Variants in TNFRSF11B observed in about 807,000 individuals in gnomAD.
TNFRSF11B encodes the protein tumor necrosis factor receptor superfamily member 11B.
A neutral mutation model predicts 43.4 loss-of-function variants in TNFRSF11B; 16 were observed. The ratio of observed to expected loss-of-function variants is 0.37; its 90% CI spans 0.25 to 0.56. The LOEUF (loss-of-function observed/expected upper bound fraction) is 0.56. Ranked by LOEUF, TNFRSF11B falls within the 20% of genes least tolerant of loss-of-function variation. The pLI is 0.80. For missense variants in TNFRSF11B, 444 were observed against 490.1 expected (o/e 0.91, Z 0.89); for synonymous variants, 185 against 181.8 (o/e 1.02, Z -0.14).
At chr8:118,940,817 C>A (rs1563692577) in intron 1 of TNFRSF11B, among the ~76,000 whole-genome samples, 1 of 152,136 alleles carries the variant, frequency 6.6e-6, no homozygotes, top group Admixed American at 6.5e-5. Flanking sequence ...CAATTGGCAT[C>A]ATTTTCTTGG....
intron 3 of TNFRSF11B, among the ~76,000 whole-genome samples, 193 bp from the exon 4 acceptor site, chr8:118,926,911 C>T (rs1016130084): frequency 9.2e-5 from 14 of 152,164 alleles, no homozygotes; most frequent in African/African-American, 3.1e-4. Flanking sequence ...GCTTACGTGT[C>T]TTCTAATGTT....
At position 118,923,630 on chromosome 8, in the gene TNFRSF11B, C is replaced by T. The variant is rs914244774; in HGVS notation, c.*744G>A. The T allele has an allele frequency of 6.6e-6, 1 of 152,536 alleles. No individual in the cohort carries two copies. Among genetic ancestry groups the T allele is most frequent in the African/African-American group, 2.4e-5 (1 of 41,422 alleles). The allele number at this position is 152,536 out of a possible 1,614,324, so 9.4% of individuals were successfully genotyped here. A position where few individuals can be genotyped will look rare whatever the true frequency, so the allele number is the denominator to read the frequency against. On this transcript the variant is annotated 3_prime_UTR_variant, in exon 5 of 5. Transcript: ENST00000297350. ...ACCATAAAATCTTTTAAATAAGGTA[C>T]ATTCAATTTCTCAGAGCATCTAATA... is the stretch of plus-strand genomic sequence containing the variant.
chr8:118,933,105 T>A lies in TNFRSF11B; in HGVS notation c.226A>T (p.Thr76Ser). 1 of 1,614,182 alleles carries A rather than the reference T, an allele frequency of 6.2e-7. No homozygotes were observed. The highest frequency in any genetic ancestry group is 8.5e-7 in the Non-Finnish European group (1 of 1,180,042). The change falls in exon 2 of 5, where the codon ACC becomes TCC. Residue 76 changes from threonine to serine, a missense_variant. Physicochemically the swap from Thr to Ser is moderately conservative, Grantham distance 58 (BLOSUM62 1). Coordinates refer to ENST00000297350, the MANE Select transcript of TNFRSF11B (RefSeq NM_002546.4). ...CTGCAGTATAGACACTCGTCACTGGTGTGCCAGCTGTCTGTGTAGTAGTGG... is the reference window on the plus strand; with the variant it reads ...CTGCAGTATAGACACTCGTCACTGGAGTGCCAGCTGTCTGTGTAGTAGTGG... ...PDHYYTDSWH[T>S]SDECLYCSPV...
rs1812248219 is a variant in TNFRSF11B at position 118,926,561 on chromosome 8, A to G, written c.750T>C (p.Thr250=). ...GTTTCCATAACTTCAGCAGCTGGAAAGTCTGTTCTTGTGAGCTGTGTTGCC... is the reference window on the plus strand; with the variant it reads ...GTTTCCATAACTTCAGCAGCTGGAAGGTCTGTTCTTGTGAGCTGTGTTGCC... ...IKRQHSSQEQ[T]FQLLKLWKHQ... is the part of the protein sequence containing the mutation. The change falls in exon 4 of 5, where the codon ACT becomes ACC. Residue 250 remains threonine, a synonymous_variant. Transcript: ENST00000297350. The G allele has an allele frequency of 6.2e-7, 1 of 1,614,032 alleles. No individual in the cohort carries two copies. Among genetic ancestry groups the G allele is most frequent in the East Asian group, 2.2e-5 (1 of 44,892 alleles).
intron 1 of TNFRSF11B, among the ~76,000 whole-genome samples, chr8:118,946,880 C>T (rs1812570056): frequency 6.6e-6 from 1 of 152,074 alleles, no homozygotes; most frequent in African/African-American, 2.4e-5. Flanking sequence ...TTTATCAAAC[C>T]AAAAATGAAC....
Position 118,928,852 on chromosome 8 carries a change from A to G in TNFRSF11B, c.478T>C (p.Cys160Arg). ...FSNETSSKAP[C>R]RKHTNCSVFG... is the part of the protein sequence containing the mutation. Reference sequence around the variant, plus strand: ...ACACTGCAATTTGTGTGTTTTCTACAGGGTGCTTTAGATGACGTCTCATTT... The same window carrying G: ...ACACTGCAATTTGTGTGTTTTCTACGGGGTGCTTTAGATGACGTCTCATTT... Residue 160 changes from cysteine to arginine, a missense_variant, in exon 3 of 5, where the codon TGT becomes CGT. Cys to Arg is a radical substitution (Grantham distance 180). Coordinates refer to ENST00000297350, the MANE Select transcript of TNFRSF11B (RefSeq NM_002546.4). The G allele has an allele frequency of 6.2e-7, 1 of 1,614,200 alleles. No homozygotes were observed. Among genetic ancestry groups the G allele is most frequent in the Non-Finnish European group, 8.5e-7 (1 of 1,180,038 alleles).
intron 1 of TNFRSF11B, among the ~76,000 whole-genome samples, chr8:118,936,324 C>T (rs1812405332): frequency 6.6e-6 from 1 of 152,176 alleles, no homozygotes; most frequent in Non-Finnish European, 1.5e-5. Context: ...AACTTGTTTT[C>T]AGCAAGTTCA....
chr8:118,951,846 C>T lies in TNFRSF11B; in HGVS notation c.-25G>A, dbSNP rs1486014674. On this transcript the variant is annotated 5_prime_UTR_variant, in exon 1 of 5. Transcript: ENST00000297350. ...TTGTGGTCCCCGGAAACCTCAGGGGCTTGGAGGCGGCGGCTGGGCGAGCGC... is the reference window on the plus strand; with the variant it reads ...TTGTGGTCCCCGGAAACCTCAGGGGTTTGGAGGCGGCGGCTGGGCGAGCGC... 2.5e-6 allele frequency: 4 copies of T among 1,579,200 alleles called. No individual in the cohort carries two copies. Among genetic ancestry groups the T allele is most frequent in the Middle Eastern group, 1.7e-4 (1 of 6,016 alleles).
Position 118,924,679 on chromosome 8 carries a change from T to C in TNFRSF11B, c.901A>G (p.Ser301Gly). The C allele has an allele frequency of 1.9e-6, 3 of 1,614,230 alleles. No individual in the cohort carries two copies. The highest frequency in any genetic ancestry group is 1.1e-5 in the South Asian group (1 of 91,086). ...GCTCCCACTTTCTTTCCCGGTAAGC[T>C]TTCCATCAAGCTACGAAGCTGCTCG... Reference protein sequence around the residue: ...TFEQLRSLMESLPGKKVGAED... With the variant: ...TFEQLRSLMEGLPGKKVGAED... Residue 301 changes from serine to glycine, a missense_variant, in exon 5 of 5, where the codon AGC becomes GGC. By Grantham distance (56) the Ser-to-Gly change is moderately conservative (BLOSUM62 0). Transcript: ENST00000297350.
In TNFRSF11B at chr8:118,933,043, C is replaced by A. The variant is rs1353647902; in HGVS notation, c.288G>T (p.Glu96Asp). 6.2e-7 allele frequency: 1 copy of A among 1,614,204 alleles called. No individual in the cohort carries two copies. Among genetic ancestry groups the A allele is most frequent in the Middle Eastern group, 1.6e-4 (1 of 6,062 alleles). The change falls in exon 2 of 5, where the codon GAG becomes GAT. Residue 96 changes from glutamate to aspartate, a missense_variant. Coordinates refer to ENST00000297350, the MANE Select transcript of TNFRSF11B (RefSeq NM_002546.4). ...VCKELQYVKQ[E>D]CNRTHNRVCE... Reference sequence around the variant, plus strand: ...ACACGCGGTTGTGGGTGCGATTGCACTCCTGCTTGACGTACTGCAGCTCCT... The same window carrying A: ...ACACGCGGTTGTGGGTGCGATTGCAATCCTGCTTGACGTACTGCAGCTCCT...
At chr8:118,950,293 T>C (rs1029814442) in intron 1 of TNFRSF11B, among the ~76,000 whole-genome samples, 3 of 152,216 alleles carry the variant, frequency 2.0e-5, no homozygotes, top group African/African-American at 4.8e-5. Context: ...ATTAAATCAA[T>C]TGTGGTGTGT....
chr8:118,947,129 TG>T (rs1812575483), intron 1 of TNFRSF11B, among the ~76,000 whole-genome samples: 1 of 152,198 alleles, frequency 6.6e-6, no homozygotes. Flanking sequence ...AATATATAAA[TG>T]TATTTAAAAT....
At chr8:118,946,399 C>T (rs1159137174) in intron 1 of TNFRSF11B, among the ~76,000 whole-genome samples, 1 of 152,080 alleles carries the variant, frequency 6.6e-6, no homozygotes, top group East Asian at 1.9e-4. Context: ...TAGACTTTCT[C>T]TGCTAGTTAC....
In TNFRSF11B at chr8:118,941,809, C is replaced by T. The variant is rs537790184; in HGVS notation, c.31-8509G>A. 2.6e-4 allele frequency among the ~76,000 whole-genome samples: 40 copies of T among 152,252 alleles called. No homozygotes were observed. The South Asian group carries it at 3.5e-3, about 13-fold the overall frequency. On this transcript the variant is annotated intron_variant, in intron 1 of 4. Transcript: ENST00000297350. ...CTTAAAATTTTCTGAAGAAGATATA[C>T]GGAAATTGCACATATTTTGGCTCAC...
At chr8:118,946,938 G>A (rs369420544) in intron 1 of TNFRSF11B, among the ~76,000 whole-genome samples, 1 of 152,234 alleles carries the variant, frequency 6.6e-6, no homozygotes, top group East Asian at 1.9e-4. Flanking sequence ...CAGTAGCTGT[G>A]TATACCTGTA....
intron 1 of TNFRSF11B, among the ~76,000 whole-genome samples, chr8:118,934,040 G>A (rs1201150385): frequency 1.3e-5 from 2 of 152,198 alleles, no homozygotes; most frequent in East Asian, 1.9e-4. Flanking sequence ...TGGAAACATG[G>A]AGGGGAAAAT....
intron 1 of TNFRSF11B, among the ~76,000 whole-genome samples, chr8:118,943,140 C>T (rs1234116879): frequency 6.6e-6 from 1 of 152,116 alleles, no homozygotes; most frequent in Admixed American, 6.6e-5. Context: ...CAGTAATTTG[C>T]TCCCTTGAAT....
intron 1 of TNFRSF11B, among the ~76,000 whole-genome samples, chr8:118,944,625 AT>A (rs1172144178): frequency 6.6e-6 from 1 of 151,504 alleles, no homozygotes; most frequent in Non-Finnish European, 1.5e-5. Flanking sequence ...TTTTTTTTAC[AT>A]TTTTTACTGG....
At chr8:118,930,647 G>T in intron 2 of TNFRSF11B, 1 of 389,588 alleles carries the variant, frequency 2.6e-6, no homozygotes, top group Non-Finnish European at 5.3e-6. Flanking sequence ...CCTGACCTCA[G>T]GTGATCTGCC....
Sources: allele counts gnomAD v4.1 joint callset (sites outside exome capture counted in the v4.1 genomes callset), GRCh38; gene constraint gnomAD v4.1.1; transcripts MANE v1.5; gene names NCBI Gene and HGNC (gene_info 2026-07-23, HGNC 2026-07-21).